Variants in ADPRHL1 observed in about 807,000 individuals in gnomAD.
ADPRHL1 encodes the protein inactive ADP-ribosyltransferase ARH2.
A neutral mutation model predicts 44.1 loss-of-function variants in ADPRHL1; 43 were observed. The observed-to-expected ratio is 0.98, with a 90% CI of 0.76 to 1.26. The LOEUF (loss-of-function observed/expected upper bound fraction) is 1.26. ADPRHL1 is among the 50% of genes most tolerant of loss of function. ADPRHL1 has a pLI of 0.00. For synonymous variants in ADPRHL1, 878 were observed against 1,017.4 expected (o/e 0.86, Z 2.61); for missense variants, 2,022 against 2,496.9 (o/e 0.81, Z 4.05).
chr13:113,406,203 C>A lies in ADPRHL1; in HGVS notation c.3079G>T (p.Val1027Leu). 8.1e-7 allele frequency: 1 copy of A among 1,232,118 alleles called. No individual in the cohort carries two copies. Among genetic ancestry groups the A allele is most frequent in the Non-Finnish European group, 1.0e-6 (1 of 988,014 alleles). 76.3% of individuals were successfully genotyped at this position (1,232,118 alleles called of 1,614,324 possible). Reference sequence around the variant, plus strand: ...GGGTTTCTCCCAGTCGGGGACGGCACTTGCTGGCTGCTGGAGGCATGGCTG... The same window carrying A: ...GGGTTTCTCCCAGTCGGGGACGGCAATTGCTGGCTGCTGGAGGCATGGCTG... ...NTSHASSSQQ[V>L]PSPTGRNPTG... is the part of the protein sequence containing the mutation. The change falls in exon 8 of 8, where the codon GTG (valine) becomes TTG (leucine). Residue 1027 changes from valine to leucine, a missense_variant. Transcript: ENST00000612156.
At chr13:113,448,863 C>T (rs1326548518) in intron 1 of ADPRHL1, 1 of 820,344 alleles carries the variant, frequency 1.2e-6, no homozygotes, top group Non-Finnish European at 1.5e-6. Context: ...GGAGGAAGGC[C>T]CTGGGAGGGA....
At position 113,404,590 on chromosome 13, in the gene ADPRHL1, GGCCTCTA is replaced by G; in HGVS notation, c.4685_4691del (p.Ile1562ThrfsTer59). The G allele has an allele frequency of 4.7e-6, 6 of 1,288,626 alleles. No individual in the cohort carries two copies. Among genetic ancestry groups the G allele is most frequent in the Non-Finnish European group, 5.9e-6 (6 of 1,022,372 alleles). 79.8% of individuals were successfully genotyped at this position (1,288,626 alleles called of 1,614,324 possible). ...GAGCTGGTTCCTGTGCCTGCCCCTG[GGCCTCTA>G]TCTGGGTCTGCCACTGGGCCTGTTC... On this transcript the variant is annotated frameshift_variant, in exon 8 of 8. Transcript: ENST00000612156. LOFTEE classifies it low-confidence loss of function (END_TRUNC).
intron 7 of ADPRHL1, among the ~76,000 whole-genome samples, chr13:113,421,097 A>T (rs1241332674): frequency 6.9e-5 from 6 of 87,382 alleles, no homozygotes; most frequent in African/African-American, 2.8e-4. Flanking sequence ...GGACATCCCT[A>T]CCCCCAGGAC....
Position 113,403,383 on chromosome 13 carries a change from T to C in ADPRHL1, c.5899A>G (p.Lys1967Glu), listed in dbSNP as rs944881262. 1 of 1,232,078 alleles carries C rather than the reference T, an allele frequency of 8.1e-7. No individual in the cohort carries two copies. 76.3% of individuals were successfully genotyped at this position (1,232,078 alleles called of 1,614,324 possible). A position where few individuals can be genotyped will look rare whatever the true frequency, so the allele number is the denominator to read the frequency against. ...VRASDTSELP[K>E] ...CACGGTGTGTACTCGGGGCCTCACTTTGGGAGCTCAGACGTGTCGCTGGCC... is the reference window on the plus strand; with the variant it reads ...CACGGTGTGTACTCGGGGCCTCACTCTGGGAGCTCAGACGTGTCGCTGGCC... Residue 1967 changes from lysine (K) to glutamate (E), a missense_variant, in exon 8 of 8, where the codon AAG becomes GAG. By Grantham distance (56) the Lys-to-Glu change is moderately conservative. This residue lies in a region of ADPRHL1 where 205 missense variants were observed against 250.1 expected (regional missense o/e 0.82). Transcript: ENST00000612156.
At position 113,425,165 on chromosome 13, in the gene ADPRHL1, AGT is replaced by A. The variant is rs1274394636; in HGVS notation, c.659_660del (p.His220LeufsTer5). The A allele has an allele frequency of 4.5e-6, 7 of 1,544,870 alleles. No homozygotes were observed. The highest frequency in any genetic ancestry group is 6.2e-6 in the Non-Finnish European group (7 of 1,135,774). On this transcript the variant is annotated frameshift_variant, in exon 5 of 8. Coordinates refer to ENST00000612156, the MANE Select transcript of ADPRHL1 (RefSeq NM_001394807.1). LOFTEE classifies it high-confidence loss of function. ...TIRHTAEYQE[H>X]WFYFEAKWQF... ...TGCCATTTAGCTTCAAAGTAAAACC[AGT>A]GCTCCTGGTATTCTAAACATAAAGA...
intron 1 of ADPRHL1, 147 bp from the exon 2 acceptor site, chr13:113,444,736 C>T: frequency 1.1e-6 from 1 of 945,136 alleles, no homozygotes; most frequent in East Asian, 2.5e-5. Flanking sequence ...CGTTCTCCTG[C>T]CTCAGCCTCC....
At chr13:113,424,170 A>G in intron 6 of ADPRHL1, 47 bp downstream of exon 6, 1 of 1,607,348 alleles carries the variant, frequency 6.2e-7, no homozygotes, top group South Asian at 1.1e-5. Context: ...GCTTCAGAAG[A>G]AGGGTGCTAC....
intron 4 of ADPRHL1, 67 bp from the exon 5 acceptor site, chr13:113,425,246 TGGGGGTGGG>T: frequency 8.4e-4 from 6 of 7,150 alleles, no homozygotes; most frequent in Non-Finnish European, 1.2e-3. Context: ...TGCAGGGAGT[TGGGGGTGGG>T]GAGGGTGGGG....
At chr13:113,434,972 C>G (rs1376561377) in intron 2 of ADPRHL1, among the ~76,000 whole-genome samples, 1 of 122,446 alleles carries the variant, frequency 8.2e-6, no homozygotes, top group Non-Finnish European at 1.7e-5. Context: ...CCCCGGGACC[C>G]GGCACCCAGG....
chr13:113,424,609 C>T (rs999363991), intron 5 of ADPRHL1, among the ~76,000 whole-genome samples: 1 of 129,988 alleles, frequency 7.7e-6, no homozygotes, highest in Admixed American at 7.9e-5. Flanking sequence ...CGTACACCAG[C>T]ACACGTGGCT....
At chr13:113,428,900 G>A in intron 4 of ADPRHL1, 52 bp downstream of exon 4, 1 of 1,606,656 alleles carries the variant, frequency 6.2e-7, no homozygotes, top group Non-Finnish European at 8.5e-7. Context: ...GGAGGGGCTG[G>A]ATCTGTCCAG....
chr13:113,419,470 C>G lies in ADPRHL1; in HGVS notation c.1061+3356G>C, dbSNP rs185128163. 7.4e-4 allele frequency among the ~76,000 whole-genome samples: 112 copies of G among 152,092 alleles called. 1 individual carries two copies. Among genetic ancestry groups the G allele is most frequent in the African/African-American group, 2.7e-3 (110 of 41,496 alleles). ...AAAAATAAAAACTCCATCACTTAAACTATGGACACCATAAAATATAAGATG... is the reference window on the plus strand; with the variant it reads ...AAAAATAAAAACTCCATCACTTAAAGTATGGACACCATAAAATATAAGATG... On this transcript the variant is annotated intron_variant, in intron 7 of 7. Transcript: ENST00000612156.
At chr13:113,433,644 GC>G in intron 3 of ADPRHL1, 97 bp downstream of exon 3, 2 of 1,466,062 alleles carry the variant, frequency 1.4e-6, no homozygotes, top group Non-Finnish European at 1.8e-6. Context: ...GCAGCTCCAG[GC>G]CCCCGCCCCC....
intron 1 of ADPRHL1, among the ~76,000 whole-genome samples, chr13:113,452,637 A>C (rs773040105): frequency 6.6e-6 from 1 of 152,182 alleles, no homozygotes; most frequent in Non-Finnish European, 1.5e-5. Flanking sequence ...AATCTCGTCC[A>C]ATCAAGTTTA....
Position 113,404,507 on chromosome 13 carries a change from A to C in ADPRHL1, c.4775T>G (p.Ile1592Ser). ...AACCTGTTTCTGGGCCTGTCCCTGAATCTGCCCCTGAGCCCATTTCTGGGC... is the reference window on the plus strand; with the variant it reads ...AACCTGTTTCTGGGCCTGTCCCTGACTCTGCCCCTGAGCCCATTTCTGGGC... Reference protein sequence around the residue: ...GQAQKWAQGQIQGQAQKQVQG... With the variant: ...GQAQKWAQGQSQGQAQKQVQG... The change falls in exon 8 of 8, where the codon ATT becomes AGT. Residue 1592 changes from isoleucine to serine, a missense_variant. Coordinates refer to ENST00000612156, the MANE Select transcript of ADPRHL1 (RefSeq NM_001394807.1). The C allele has an allele frequency of 7.9e-7, 1 of 1,268,942 alleles. No homozygotes were observed. Among genetic ancestry groups the C allele is most frequent in the Non-Finnish European group, 9.8e-7 (1 of 1,016,290 alleles). The allele number at this position is 1,268,942 out of a possible 1,614,324, so 78.6% of individuals were successfully genotyped here. A position where few individuals can be genotyped will look rare whatever the true frequency, so the allele number is the denominator to read the frequency against.
In ADPRHL1 at chr13:113,438,569, C is replaced by T. The variant is rs73579421; in HGVS notation, c.380-4702G>A. Among the ~76,000 whole-genome samples the T allele has an allele frequency of 8.8e-3, 1,338 of 152,232 alleles. 15 individuals carry two copies. The highest frequency in any genetic ancestry group is 0.03 in the African/African-American group (1,248 of 41,548). ...AATTAAGTGGCATGGTGGCACGCAC[C>T]TGTAGTCCCAGCTACTCTGGAGGCT... On this transcript the variant is annotated intron_variant, in intron 2 of 7. Coordinates refer to ENST00000612156, the MANE Select transcript of ADPRHL1 (RefSeq NM_001394807.1).
At chr13:113,433,644 G>GCCCCCC in intron 3 of ADPRHL1, 98 bp downstream of exon 3, 1 of 1,466,064 alleles carries the variant, frequency 6.8e-7, no homozygotes, top group South Asian at 1.3e-5. Context: ...GCAGCTCCAG[G>GCCCCCC]CCCCCGCCCC....
Position 113,407,688 on chromosome 13 carries a change from T to C in ADPRHL1, c.1594A>G (p.Lys532Glu), listed in dbSNP as rs1244124877. ...TTCGGCAAGAGGCCCCTGGCGGCTTTGGGCCGCTCCACAGGGGGCTTCTCG... is the reference window on the plus strand; with the variant it reads ...TTCGGCAAGAGGCCCCTGGCGGCTTCGGGCCGCTCCACAGGGGGCTTCTCG... Reference protein sequence around the residue: ...AREKPPVERPKAARGLLPKIM... With the variant: ...AREKPPVERPEAARGLLPKIM... Residue 532 changes from lysine to glutamate, a missense_variant, in exon 8 of 8, where the codon AAA becomes GAA. Lys to Glu is a moderately conservative substitution (Grantham distance 56). This residue lies in a region of ADPRHL1 where 1,221 missense variants were observed against 1,517.8 expected (regional missense o/e 0.80). Coordinates refer to ENST00000612156, the MANE Select transcript of ADPRHL1 (RefSeq NM_001394807.1). The C allele has an allele frequency of 2.4e-6, 3 of 1,231,958 alleles. No homozygotes were observed. The highest frequency in any genetic ancestry group is 8.4e-5 in the Admixed American group (2 of 23,708). The allele number at this position is 1,231,958 out of a possible 1,614,324, so 76.3% of individuals were successfully genotyped here. A position where few individuals can be genotyped will look rare whatever the true frequency, so the allele number is the denominator to read the frequency against.
At chr13:113,429,532 G>C (rs1363485653) in intron 3 of ADPRHL1, among the ~76,000 whole-genome samples, 2 of 152,274 alleles carry the variant, frequency 1.3e-5, no homozygotes, top group East Asian at 3.8e-4. Context: ...TCCGTGCGTG[G>C]ACGAACGCAT....
Sources: gnomAD v4.1 joint callset for allele counts (sites outside exome capture counted in the v4.1 genomes callset) on GRCh38, gnomAD v4.1.1 for gene constraint, gnomAD v4.1.1 regional missense constraint, MANE v1.5 for transcripts, NCBI Gene and HGNC (gene_info 2026-07-23, HGNC 2026-07-21) for gene names.